SRPK2: variants seen among roughly 807,000 people sequenced by gnomAD.
SRPK2 encodes the protein SRSF protein kinase 2.
SRPK2 carries 21 observed loss-of-function variants against 90.8 expected under a neutral mutation model. The observed-to-expected ratio is 0.23, with a 90% CI of 0.16 to 0.33. SRPK2 has a LOEUF of 0.33. Ranked by LOEUF, SRPK2 falls within the 10% of genes least tolerant of loss-of-function variation. The pLI is 1.00. For missense variants in SRPK2, 620 were observed against 869.0 expected (o/e 0.71, Z 3.60); for synonymous variants, 288 against 311.1 (o/e 0.93, Z 0.78).
At chr7:105,380,413 G>A (rs1268339196) in intron 2 of SRPK2, among the ~76,000 whole-genome samples, 1 of 151,866 alleles carries the variant, frequency 6.6e-6, no homozygotes, top group East Asian at 1.9e-4. Context: ...TTACATACAT[G>A]CATATACATG....
intron 2 of SRPK2, among the ~76,000 whole-genome samples, chr7:105,376,143 C>T (rs990723930): frequency 1.4e-4 from 21 of 151,548 alleles, no homozygotes; most frequent in Middle Eastern, 6.8e-3. Flanking sequence ...TACAGGCGCC[C>T]GCCACCACAC....
At chr7:105,246,269 G>C (rs1231499818) in intron 2 of SRPK2, among the ~76,000 whole-genome samples, 1 of 152,050 alleles carries the variant, frequency 6.6e-6, no homozygotes, top group Admixed American at 6.6e-5. Context: ...TAAACCAAAA[G>C]GAATATTTAT....
intron 2 of SRPK2, among the ~76,000 whole-genome samples, chr7:105,280,819 C>A (rs898345217): frequency 1.3e-5 from 2 of 150,988 alleles, no homozygotes; most frequent in African/African-American, 4.9e-5. Flanking sequence ...TGGTGGCGGG[C>A]ACCTGTAGTC....
chr7:105,209,100 CAT>C (rs1796553327), intron 2 of SRPK2, among the ~76,000 whole-genome samples: 1 of 152,196 alleles, frequency 6.6e-6, no homozygotes, highest in Non-Finnish European at 1.5e-5. Flanking sequence ...AATCAATATG[CAT>C]AGTCTCTTTT....
chr7:105,213,064 C>T (rs1797050133), intron 2 of SRPK2, among the ~76,000 whole-genome samples: 1 of 152,132 alleles, frequency 6.6e-6, no homozygotes, highest in African/African-American at 2.4e-5. Context: ...CTTGAGCATC[C>T]ATGGATTTTG....
rs781672700 is a variant in SRPK2 at position 105,179,103 on chromosome 7, T to C, written c.230-9838A>G. On this transcript the variant is annotated intron_variant, in intron 3 of 15. Transcript: ENST00000393651. Reference sequence around the variant, plus strand: ...CACAGATTAAAGGTCAGTCCGTTGATTGAGCAACCCTGAATACCTAAAATG... The same window carrying C: ...CACAGATTAAAGGTCAGTCCGTTGACTGAGCAACCCTGAATACCTAAAATG... Among the ~76,000 whole-genome samples the C allele has an allele frequency of 2.9e-4, 44 of 152,342 alleles. 1 individual carries two copies. Among genetic ancestry groups the C allele is most frequent in the African/African-American group, 8.7e-4 (36 of 41,586 alleles).
At chr7:105,202,906 G>A (rs572152903) in intron 3 of SRPK2, among the ~76,000 whole-genome samples, 2 of 152,358 alleles carry the variant, frequency 1.3e-5, no homozygotes, top group African/African-American at 4.8e-5. Flanking sequence ...GTCAAATACA[G>A]TGCACAAGAG....
At chr7:105,154,708 C>T (rs1354518863) in intron 7 of SRPK2, among the ~76,000 whole-genome samples, 1 of 152,202 alleles carries the variant, frequency 6.6e-6, no homozygotes, top group East Asian at 1.9e-4. Flanking sequence ...GAGACAGAGT[C>T]TGTCACCCAG....
Position 105,372,108 on chromosome 7 carries a change from C to T in SRPK2, c.71+16540G>A, listed in dbSNP as rs572659981. Among the ~76,000 whole-genome samples the T allele has an allele frequency of 3.9e-4, 56 of 142,026 alleles. 1 individual carries two copies. The South Asian group carries it at 0.012, about 30-fold the overall frequency. The allele number at this position is 142,026 out of a possible 152,430, so 93.2% of individuals were successfully genotyped here. A position where few individuals can be genotyped will look rare whatever the true frequency, so the allele number is the denominator to read the frequency against. On this transcript the variant is annotated intron_variant, in intron 2 of 15. Transcript: ENST00000393651. Reference sequence around the variant, plus strand: ...CGAGATAGCGCCACTGCACTCCAGCCTGGGTGACAGAGCAAGACTCCAACT... The same window carrying T: ...CGAGATAGCGCCACTGCACTCCAGCTTGGGTGACAGAGCAAGACTCCAACT...
chr7:105,172,173 C>G (rs990184811), intron 3 of SRPK2, among the ~76,000 whole-genome samples: 8 of 152,210 alleles, frequency 5.3e-5, no homozygotes, highest in Admixed American at 2.6e-4. Context: ...GGATTACAGG[C>G]ATGAGCCACT....
chr7:105,290,776 C>T (rs1357507904), intron 2 of SRPK2, among the ~76,000 whole-genome samples: 1 of 151,590 alleles, frequency 6.6e-6, no homozygotes, highest in East Asian at 1.9e-4. Context: ...CGGTGGCTCA[C>T]GCCTGTAATC....
At chr7:105,227,329 T>C (rs1039031302) in intron 2 of SRPK2, among the ~76,000 whole-genome samples, 2 of 152,136 alleles carry the variant, frequency 1.3e-5, no homozygotes, top group African/African-American at 4.8e-5. Context: ...CTTTTATCCC[T>C]TGCCCCCTTT....
At chr7:105,396,392 C>A (rs983613846) in intron 1 of SRPK2, among the ~76,000 whole-genome samples, 3 of 151,664 alleles carry the variant, frequency 2.0e-5, no homozygotes, top group Non-Finnish European at 4.4e-5. Context: ...AATCCCAGCA[C>A]TTTGGGAGGC....
At chr7:105,251,746 A>T (rs957391491) in intron 2 of SRPK2, among the ~76,000 whole-genome samples, 6 of 152,224 alleles carry the variant, frequency 3.9e-5, no homozygotes, top group Non-Finnish European at 7.3e-5. Flanking sequence ...TTTAATAATC[A>T]TTAGTAATCA....
At chr7:105,336,534 T>C (rs1485433295) in intron 2 of SRPK2, among the ~76,000 whole-genome samples, 2 of 152,212 alleles carry the variant, frequency 1.3e-5, no homozygotes, top group African/African-American at 4.8e-5. Flanking sequence ...AGTTGATTTC[T>C]TAGGACTGAA....
At chr7:105,349,696 G>A (rs1293956770) in intron 2 of SRPK2, among the ~76,000 whole-genome samples, 1 of 152,106 alleles carries the variant, frequency 6.6e-6, no homozygotes, top group African/African-American at 2.4e-5. Context: ...AACAGACACA[G>A]CAGGAAGAAA....
intron 2 of SRPK2, among the ~76,000 whole-genome samples, chr7:105,346,779 C>T (rs1816509344): frequency 6.7e-6 from 1 of 150,124 alleles, no homozygotes; most frequent in Non-Finnish European, 1.5e-5. Flanking sequence ...GCAACAACAA[C>T]AAACCCACAA....
chr7:105,174,456 G>T (rs964923774), intron 3 of SRPK2, among the ~76,000 whole-genome samples: 5 of 151,738 alleles, frequency 3.3e-5, no homozygotes, highest in African/African-American at 1.2e-4. Flanking sequence ...CCTGAGTTCC[G>T]CTGAGAATGC....
At position 105,122,481 on chromosome 7, in the gene SRPK2, G is replaced by A. The variant is rs1217859623; in HGVS notation, c.1915+3767C>T. Reference sequence around the variant, plus strand: ...AAACAAGAGGAGTGGCAGTGACAACGCCCAGCCTGTGTAGCTGTCAAATGC... The same window carrying A: ...AAACAAGAGGAGTGGCAGTGACAACACCCAGCCTGTGTAGCTGTCAAATGC... On this transcript the variant is annotated intron_variant, in intron 15 of 15. Coordinates refer to ENST00000393651, the MANE Select transcript of SRPK2 (RefSeq NM_182692.3). 9.9e-5 allele frequency among the ~76,000 whole-genome samples: 15 copies of A among 152,214 alleles called. No individual in the cohort carries two copies. The South Asian group carries it at 2.7e-3, about 27-fold the overall frequency.
Sources: gnomAD v4.1 joint callset for allele counts (sites outside exome capture counted in the v4.1 genomes callset) on GRCh38, gnomAD v4.1.1 for gene constraint, MANE v1.5 for transcripts, NCBI Gene and HGNC (gene_info 2026-07-23, HGNC 2026-07-21) for gene names.